CNTN1: variants seen among roughly 807,000 people sequenced by gnomAD.
The protein encoded by CNTN1 is contactin-1.
Under a neutral mutation model 126.4 loss-of-function variants are expected in CNTN1, and 38 were observed. The ratio of observed to expected loss-of-function variants is 0.30; its 90% CI spans 0.23 to 0.39. The LOEUF (loss-of-function observed/expected upper bound fraction) is 0.39. Among genes scored for constraint, CNTN1 ranks in the 10% least tolerant of loss-of-function variants. The probability of loss-of-function intolerance (pLI) is 1.00; values close to 1 mark genes in which losing one functional copy is unlikely to be tolerated. For synonymous variants in CNTN1, 413 were observed against 422.6 expected (o/e 0.98, Z 0.28); for missense variants, 1,009 against 1,248.4 (o/e 0.81, Z 2.89).
At chr12:40,796,420 A>G (rs1440088348) in intron 1 of CNTN1, among the ~76,000 whole-genome samples, 2 of 152,090 alleles carry the variant, frequency 1.3e-5, no homozygotes, top group Non-Finnish European at 2.9e-5. Flanking sequence ...CTAGAAAAGC[A>G]AACTTGGAGA....
intron 23 of CNTN1, among the ~76,000 whole-genome samples, chr12:41,051,246 C>G (rs1260924732): frequency 6.8e-6 from 1 of 147,208 alleles, no homozygotes; most frequent in Non-Finnish European, 1.5e-5. Context: ...CTCCCAGGTT[C>G]ACGCCATTCT....
At chr12:40,739,563 C>A (rs77657502) in intron 1 of CNTN1, among the ~76,000 whole-genome samples, 6,369 of 152,090 alleles carry the variant, frequency 0.042, 152 homozygotes, top group Middle Eastern at 0.065. Context: ...GAAATTCAAA[C>A]TTAACAGGGA....
intron 1 of CNTN1, among the ~76,000 whole-genome samples, chr12:40,898,789 C>T (rs751783255): frequency 1.1e-4 from 16 of 152,140 alleles, no homozygotes; most frequent in Non-Finnish European, 2.4e-4. Context: ...GGGGTGGTCT[C>T]GTGTCAGAAG....
chr12:40,714,399 A>C (rs1941998143), intron 1 of CNTN1, among the ~76,000 whole-genome samples: 1 of 152,128 alleles, frequency 6.6e-6, no homozygotes, highest in African/African-American at 2.4e-5. Flanking sequence ...AGGCATGATT[A>C]AAATGTTGAT....
In CNTN1 at chr12:40,864,473, G is replaced by A. The variant is rs577586441; in HGVS notation, c.-76-43884G>A. ...ATTCCTTAAAAGAAACTCTATAAGT[G>A]TTGGCTTCATTCTGCCCCCATCCCC... On this transcript the variant is annotated intron_variant, in intron 1 of 23. Coordinates refer to ENST00000551295, the MANE Select transcript of CNTN1 (RefSeq NM_001843.4). Among the ~76,000 whole-genome samples, 10 of 152,086 alleles carry A rather than the reference G, an allele frequency of 6.6e-5. No individual in the cohort carries two copies. In the South Asian group the frequency reaches 2.1e-3, roughly 32 times the overall value.
chr12:41,014,131 T>G (rs939276122), intron 17 of CNTN1, 97 bp from the exon 18 acceptor site: 1 of 1,075,944 alleles, frequency 9.3e-7, no homozygotes, highest in East Asian at 2.6e-5. Context: ...AGAAAAACAT[T>G]TGTGGTTTCT....
rs74076974 is a variant in CNTN1, at chr12:41,065,982, C to T, written c.2981-3977C>T. Among the ~76,000 whole-genome samples, 478 of 152,316 alleles carry T rather than the reference C, an allele frequency of 3.1e-3. 2 individuals carry two copies. The highest frequency in any genetic ancestry group is 0.011 in the African/African-American group (463 of 41,568). ...TTTTATTGAACTCAACAATTTTCAA[C>T]GCAAGCATCCATTCATGTGTACCTA... On this transcript the variant is annotated intron_variant, in intron 23 of 23. Coordinates refer to ENST00000551295, the MANE Select transcript of CNTN1 (RefSeq NM_001843.4).
At chr12:40,748,447 A>G (rs1938269427) in intron 1 of CNTN1, among the ~76,000 whole-genome samples, 2 of 152,142 alleles carry the variant, frequency 1.3e-5, no homozygotes, top group African/African-American at 4.8e-5. Context: ...GGTAAATTAT[A>G]TAACACAGTC....
chr12:40,983,493 G>GTGTGTT (rs572298500), intron 16 of CNTN1, among the ~76,000 whole-genome samples: 1 of 151,142 alleles, frequency 6.6e-6, no homozygotes, highest in African/African-American at 2.4e-5. Context: ...GTGTGTGTGT[G>GTGTGTT]AGTGTATGTG....
chr12:40,827,329 G>A (rs1050245553), intron 1 of CNTN1, among the ~76,000 whole-genome samples: 11 of 151,696 alleles, frequency 7.3e-5, no homozygotes, highest in Non-Finnish European at 2.9e-5. Context: ...CCATATTGAT[G>A]ATTTTTAAGA....
rs535203283 is a variant in CNTN1 at position 41,046,551 on chromosome 12, G to C, written c.2980+17332G>C. Among the ~76,000 whole-genome samples, 13 of 151,862 alleles carry C rather than the reference G, an allele frequency of 8.6e-5. No individual in the cohort carries two copies. In the East Asian group the frequency reaches 2.5e-3, roughly 29 times the overall value. ...TTATAAATGAATTTCAATACAATAGGTTTTTAAAAAACTCTATGTATTATA... is the reference window on the plus strand; with the variant it reads ...TTATAAATGAATTTCAATACAATAGCTTTTTAAAAAACTCTATGTATTATA... On this transcript the variant is annotated intron_variant, in intron 23 of 23. Transcript: ENST00000551295.
At position 41,065,279 on chromosome 12, in the gene CNTN1, A is replaced by G. The variant is rs7952852; in HGVS notation, c.2981-4680A>G. On this transcript the variant is annotated intron_variant, in intron 23 of 23. Coordinates refer to ENST00000551295, the MANE Select transcript of CNTN1 (RefSeq NM_001843.4). ...ACCGTGTTAGCCAGGATGGTCTCGAACTCCTGACCTTGTGATCCACCCGCC... is the reference window on the plus strand; with the variant it reads ...ACCGTGTTAGCCAGGATGGTCTCGAGCTCCTGACCTTGTGATCCACCCGCC... Among the ~76,000 whole-genome samples, 465 of 151,930 alleles carry G rather than the reference A, an allele frequency of 3.1e-3. 2 individuals are homozygous for G. Among genetic ancestry groups the G allele is most frequent in the African/African-American group, 0.011 (454 of 41,418 alleles).
chr12:40,937,295 A>T (rs899611232), intron 10 of CNTN1, among the ~76,000 whole-genome samples: 3 of 152,034 alleles, frequency 2.0e-5, no homozygotes, highest in Middle Eastern at 3.2e-3. Context: ...CAGCAGTGGG[A>T]TTCTTCTCTA....
chr12:40,918,684 C>T lies in CNTN1; in HGVS notation c.140C>T (p.Pro47Leu). 1 of 1,613,070 alleles carries T rather than the reference C, an allele frequency of 6.2e-7. No individual in the cohort carries two copies. Among genetic ancestry groups the T allele is most frequent in the Non-Finnish European group, 8.5e-7 (1 of 1,179,248 alleles). The change falls in exon 4 of 24, where the codon CCA becomes CTA. Residue 47 changes from proline (P) to leucine (L), a missense_variant. Pro to Leu is a moderately conservative substitution (Grantham distance 98). Coordinates refer to ENST00000551295, the MANE Select transcript of CNTN1 (RefSeq NM_001843.4). ...KGFGPIFEEQ[P>L]INTIYPEESL... ...TTTGGACCAATTTTTGAAGAGCAGC[C>T]AATCAATACCATTTATCCAGAGGAA...
chr12:40,941,247 T>C (rs1946255010), intron 12 of CNTN1, among the ~76,000 whole-genome samples: 1 of 152,174 alleles, frequency 6.6e-6, no homozygotes, highest in East Asian at 1.9e-4. Context: ...TTTAACCCAT[T>C]ACTATCTCAG....
chr12:40,833,347 C>A (rs1255993363), intron 1 of CNTN1, among the ~76,000 whole-genome samples: 2 of 152,160 alleles, frequency 1.3e-5, no homozygotes, highest in Non-Finnish European at 2.9e-5. Flanking sequence ...CTGCCCACCC[C>A]AGCCTCCCAA....
chr12:40,693,049 C>T (rs1941343158), intron 1 of CNTN1, among the ~76,000 whole-genome samples: 1 of 152,214 alleles, frequency 6.6e-6, no homozygotes, highest in Non-Finnish European at 1.5e-5. Context: ...GCCTGGCTAG[C>T]GCATCCCGGA....
chr12:41,063,088 G>C (rs1372803071), intron 23 of CNTN1, among the ~76,000 whole-genome samples: 1 of 152,168 alleles, frequency 6.6e-6, no homozygotes, highest in Non-Finnish European at 1.5e-5. Flanking sequence ...AAATAAATAA[G>C]ATAAAAAATG....
chr12:40,743,822 T>C (rs984818502), intron 1 of CNTN1, among the ~76,000 whole-genome samples: 4 of 152,170 alleles, frequency 2.6e-5, no homozygotes, highest in African/African-American at 9.6e-5. Context: ...TTGCTTTGGT[T>C]GCAATTGCTT....
Sources: allele counts gnomAD v4.1 joint callset (sites outside exome capture counted in the v4.1 genomes callset), GRCh38; gene constraint gnomAD v4.1.1; transcripts MANE v1.5; gene names NCBI Gene and HGNC (gene_info 2026-07-23, HGNC 2026-07-21).